Variants in VPS53 observed in about 807,000 individuals in gnomAD.
VPS53 encodes the protein VPS53 subunit of GARP complex.
In VPS53, 70 loss-of-function variants were observed where a neutral mutation model predicts 107.0. The observed-to-expected ratio is 0.65, with a 90% CI of 0.54 to 0.80. The LOEUF (loss-of-function observed/expected upper bound fraction) is 0.80. Ranked by LOEUF, VPS53 falls within the 30% of genes least tolerant of loss-of-function variation. The probability of loss-of-function intolerance (pLI) is 0.00; values close to 1 mark genes in which losing one functional copy is unlikely to be tolerated. For missense variants in VPS53, 917 were observed against 1,049.4 expected (o/e 0.87, Z 1.74); for synonymous variants, 409 against 393.3 (o/e 1.04, Z -0.47).
chr17:704,961 C>T lies in VPS53; in HGVS notation c.168+5572G>A, dbSNP rs1455275474. 3.3e-5 allele frequency among the ~76,000 whole-genome samples: 5 copies of T among 152,260 alleles called. No homozygotes were observed. In the East Asian group the frequency reaches 9.6e-4, roughly 29 times the overall value. ...CATACAAAATGATGAGCTATAAAGG[C>T]TTTTCGTGAAATCTCAAAAAAGACA... On this transcript the variant is annotated intron_variant, in intron 2 of 21. Coordinates refer to ENST00000437048, the MANE Select transcript of VPS53 (RefSeq NM_001128159.3).
chr17:600,547 T>C (rs1011415157), intron 12 of VPS53, among the ~76,000 whole-genome samples: 2 of 152,252 alleles, frequency 1.3e-5, no homozygotes, highest in Admixed American at 6.5e-5. Flanking sequence ...TCTAATCCTA[T>C]AAATACATCT....
At chr17:665,880 T>C (rs1010576771) in intron 4 of VPS53, among the ~76,000 whole-genome samples, 1 of 152,144 alleles carries the variant, frequency 6.6e-6, no homozygotes, top group African/African-American at 2.4e-5. Flanking sequence ...GGCGGGCACC[T>C]GTCATCCCAG....
chr17:714,829 G>T lies in VPS53; in HGVS notation c.-120C>A. The T allele has an allele frequency of 8.8e-7, 1 of 1,138,436 alleles. No individual in the cohort carries two copies. The highest frequency in any genetic ancestry group is 1.3e-6 in the Non-Finnish European group (1 of 767,424). 70.5% of individuals were successfully genotyped at this position (1,138,436 alleles called of 1,614,324 possible). On this transcript the variant is annotated 5_prime_UTR_variant, in exon 1 of 22. It adds an upstream start codon to the 5' untranslated region. Coordinates refer to ENST00000437048, the MANE Select transcript of VPS53 (RefSeq NM_001128159.3). ...CGACCTGGTGAGCCCGGCTCCGTCA[G>T]CCGCTCTGTCAGCCGCTCCGGCACT...
intron 9 of VPS53, 57 bp from the exon 10 acceptor site, chr17:627,373 C>G: frequency 1.3e-6 from 2 of 1,549,524 alleles, no homozygotes; most frequent in South Asian, 2.5e-5. Context: ...AATGGCAGTT[C>G]AAGGAAACAA....
intron 7 of VPS53, among the ~76,000 whole-genome samples, chr17:645,329 C>T (rs1007912342): frequency 1.3e-5 from 2 of 152,068 alleles, no homozygotes; most frequent in African/African-American, 4.8e-5. Flanking sequence ...TATTCAAATC[C>T]TTTGCTGGTT....
intron 13 of VPS53, among the ~76,000 whole-genome samples, chr17:570,124 T>C (rs1913899166): frequency 6.6e-6 from 1 of 151,774 alleles, no homozygotes; most frequent in Admixed American, 6.6e-5. Context: ...CTCAGCACTT[T>C]GGGAGGCCAA....
chr17:553,543 G>A (rs1006200916), intron 15 of VPS53, 81 bp from the exon 16 acceptor site: 10 of 1,058,186 alleles, frequency 9.5e-6, no homozygotes, highest in Middle Eastern at 2.2e-4. Flanking sequence ...AACATTTACT[G>A]CGTTTGATGA....
chr17:634,436 T>C lies in VPS53; in HGVS notation c.609-2808A>G, dbSNP rs533156989. 1.7e-4 allele frequency among the ~76,000 whole-genome samples: 26 copies of C among 152,284 alleles called. No individual in the cohort carries two copies. The East Asian group carries it at 4.6e-3, about 27-fold the overall frequency. On this transcript the variant is annotated intron_variant, in intron 7 of 21. Coordinates refer to ENST00000437048, the MANE Select transcript of VPS53 (RefSeq NM_001128159.3). ...TATACTTTCAGTTTTAGGGTACATG[T>C]GCACAATGTGCAGGTTCGTTACATA...
intron 13 of VPS53, among the ~76,000 whole-genome samples, chr17:584,731 T>C (rs1010217894): frequency 1.3e-5 from 2 of 152,168 alleles, no homozygotes; most frequent in African/African-American, 4.8e-5. Context: ...TTCAGCATGT[T>C]GCCCAGGCTG....
At chr17:677,621 T>C (rs1436053660) in intron 4 of VPS53, among the ~76,000 whole-genome samples, 1 of 152,070 alleles carries the variant, frequency 6.6e-6, no homozygotes, top group African/African-American at 2.4e-5. Flanking sequence ...CTATATTATA[T>C]ACATATTTTA....
chr17:684,360 G>A (rs2143810667), intron 4 of VPS53, among the ~76,000 whole-genome samples: 1 of 152,132 alleles, frequency 6.6e-6, no homozygotes, highest in Non-Finnish European at 1.5e-5. Flanking sequence ...CAGCAAAGCT[G>A]CACAATATAA....
chr17:547,153 G>A (rs9915418), intron 17 of VPS53, among the ~76,000 whole-genome samples: 30,041 of 152,012 alleles, frequency 0.2, 6,025 homozygotes, highest in African/African-American at 0.5. Flanking sequence ...CTGGGATTAC[G>A]GGCATGAGCC....
At chr17:699,489 A>G (rs1299741059) in intron 2 of VPS53, 109 bp from the exon 3 acceptor site, 6 of 875,808 alleles carry the variant, frequency 6.9e-6, no homozygotes, top group Non-Finnish European at 9.7e-6. Context: ...CAAAAAATTT[A>G]ATCACATGAT....
At chr17:609,501 A>G (rs1968743011) in intron 11 of VPS53, among the ~76,000 whole-genome samples, 3 of 152,238 alleles carry the variant, frequency 2.0e-5, no homozygotes, top group Admixed American at 6.5e-5. Flanking sequence ...ACTTAGAAGT[A>G]GAAATGTGTA....
chr17:564,345 C>CCTGA (rs60361523), intron 13 of VPS53, among the ~76,000 whole-genome samples: 78,797 of 151,138 alleles, frequency 0.52, 21,659 homozygotes, highest in African/African-American at 0.7. Context: ...TCAAGACCAT[C>CCTGA]CTAACACGTT....
At chr17:702,520 G>C (rs1973244109) in intron 2 of VPS53, among the ~76,000 whole-genome samples, 1 of 152,040 alleles carries the variant, frequency 6.6e-6, no homozygotes, top group Non-Finnish European at 1.5e-5. Flanking sequence ...AAAAAAATTA[G>C]CCGGGCGTGG....
chr17:635,834 G>A (rs1288242501), intron 7 of VPS53, among the ~76,000 whole-genome samples: 2 of 152,180 alleles, frequency 1.3e-5, no homozygotes, highest in Non-Finnish European at 2.9e-5. Flanking sequence ...GTAGCATGAT[G>A]CCTCCAGCTT....
intron 13 of VPS53, among the ~76,000 whole-genome samples, chr17:566,515 G>A (rs1567632468): frequency 6.6e-6 from 1 of 152,102 alleles, no homozygotes; most frequent in African/African-American, 2.4e-5. Flanking sequence ...GCTAGTGCTC[G>A]ATACATACTT....
chr17:661,921 A>C (rs1243696011), intron 4 of VPS53, 26 bp from the exon 5 acceptor site: 1 of 1,542,268 alleles, frequency 6.5e-7, no homozygotes, highest in Non-Finnish European at 8.8e-7. Context: ...TACATGAAAA[A>C]CAAAAAGTGG....
Sources: gnomAD v4.1 joint callset for allele counts (sites outside exome capture counted in the v4.1 genomes callset) on GRCh38, gnomAD v4.1.1 for gene constraint, MANE v1.5 for transcripts, NCBI Gene and HGNC (gene_info 2026-07-23, HGNC 2026-07-21) for gene names.